The following FGF5 variants were observed in gnomAD, a reference collection of about 807,000 sequenced individuals.
The protein encoded by FGF5 is fibroblast growth factor 5.
A neutral mutation model predicts 21.8 loss-of-function variants in FGF5; 23 were observed. That is an observed-to-expected ratio of 1.05 (90% CI 0.76 to 1.49). FGF5 has a LOEUF of 1.49. FGF5 is among the 40% of genes most tolerant of loss of function. FGF5 has a pLI of 0.00. For synonymous variants in FGF5, 158 were observed against 124.0 expected (o/e 1.27, Z -1.82); for missense variants, 352 against 332.9 (o/e 1.06, Z -0.45).
rs557552379 is a variant in FGF5, at chr4:80,267,480, T to C, written c.355+301T>C. On this transcript the variant is annotated intron_variant, in intron 1 of 2. Transcript: ENST00000312465. ...AGCCTCAAAGACGAGTCCCCAGCCA[T>C]GACAGGAGAGAACAAAAAACTCATT... is the stretch of plus-strand genomic sequence containing the variant. Among the ~76,000 whole-genome samples, 148 of 152,296 alleles carry C rather than the reference T, an allele frequency of 9.7e-4. 1 individual carries two copies. The highest frequency in any genetic ancestry group is 1.7e-3 in the Non-Finnish European group (113 of 68,024).
intron 1 of FGF5, among the ~76,000 whole-genome samples, chr4:80,269,782 C>A (rs895887008): frequency 6.6e-6 from 1 of 151,414 alleles, no homozygotes; most frequent in Non-Finnish European, 1.5e-5. Context: ...GTTTGTCTTC[C>A]ATAGAGTTTT....
chr4:80,276,562 G>C (rs1720417048), intron 2 of FGF5, among the ~76,000 whole-genome samples: 1 of 151,610 alleles, frequency 6.6e-6, no homozygotes, highest in Admixed American at 6.6e-5. Context: ...AAGTTCTTTA[G>C]TGGTGATTTC....
At chr4:80,268,282 GCTCTTCCAGCGCGGGTTGGT>G (rs1720156789) in intron 1 of FGF5, 1 of 156,478 alleles carries the variant, frequency 6.4e-6, no homozygotes, top group Non-Finnish European at 1.4e-5. Context: ...GGGCCAGATC[GCTCTTCCAGCGCGGGTTGGT>G]CCACCAGGCA....
intron 1 of FGF5, chr4:80,268,315 G>C: frequency 4.5e-6 from 1 of 220,066 alleles, no homozygotes; most frequent in South Asian, 1.6e-4. Context: ...ACCAGGCAGA[G>C]CCCCAGCCAG....
At chr4:80,273,476 C>T (rs1017013041) in intron 1 of FGF5, among the ~76,000 whole-genome samples, 11 of 152,062 alleles carry the variant, frequency 7.2e-5, no homozygotes, top group Admixed American at 7.2e-4. Context: ...AAGTTACTCA[C>T]ATATATTTAT....
chr4:80,286,707 C>G lies in FGF5; in HGVS notation c.*35C>G. 6.4e-7 allele frequency: 1 copy of G among 1,552,730 alleles called. No individual in the cohort carries two copies. Among genetic ancestry groups the G allele is most frequent in the South Asian group, 1.1e-5 (1 of 88,270 alleles). ...TGGCCTTGTGAGAAACCATTCTTTC[C>G]CCTCAGGAGTTTCTATAGGTGTCTT... is the stretch of plus-strand genomic sequence containing the variant. On this transcript the variant is annotated 3_prime_UTR_variant, in exon 3 of 3. Transcript: ENST00000312465.
At chr4:80,270,773 G>A (rs183721627) in intron 1 of FGF5, among the ~76,000 whole-genome samples, 3 of 152,258 alleles carry the variant, frequency 2.0e-5, no homozygotes, top group African/African-American at 4.8e-5. Context: ...TTGTCAAAGC[G>A]TTTACATAAA....
At position 80,286,737 on chromosome 4, in the gene FGF5, G is replaced by A. The variant is rs760770821; in HGVS notation, c.*65G>A. 1 of 1,272,906 alleles carries A rather than the reference G, an allele frequency of 7.9e-7. No homozygotes were observed. Among genetic ancestry groups the A allele is most frequent in the Non-Finnish European group, 1.1e-6 (1 of 905,536 alleles). The allele number at this position is 1,272,906 out of a possible 1,614,324, so 78.9% of individuals were successfully genotyped here. A position where few individuals can be genotyped will look rare whatever the true frequency, so the allele number is the denominator to read the frequency against. On this transcript the variant is annotated 3_prime_UTR_variant, in exon 3 of 3. Coordinates refer to ENST00000312465, the MANE Select transcript of FGF5 (RefSeq NM_004464.4). ...AGGAGTTTCTATAGGTGTCTTCAGA[G>A]TTCTGAAGAAAAATTACTGGACACA...
chr4:80,286,709 C>G lies in FGF5; in HGVS notation c.*37C>G. 6.5e-7 allele frequency: 1 copy of G among 1,547,244 alleles called. No homozygotes were observed. Among genetic ancestry groups the G allele is most frequent in the Non-Finnish European group, 8.9e-7 (1 of 1,127,046 alleles). ...GCCTTGTGAGAAACCATTCTTTCCC[C>G]TCAGGAGTTTCTATAGGTGTCTTCA... is the stretch of plus-strand genomic sequence containing the variant. On this transcript the variant is annotated 3_prime_UTR_variant, in exon 3 of 3. Transcript: ENST00000312465.
chr4:80,289,464 T>C lies in FGF5; in HGVS notation c.*2792T>C, dbSNP rs1441894600. 1 of 152,112 alleles carries C rather than the reference T, an allele frequency of 6.6e-6. No individual in the cohort carries two copies. The highest frequency in any genetic ancestry group is 2.1e-4 in the South Asian group (1 of 4,830). The allele number at this position is 152,112 out of a possible 1,614,324, so 9.4% of individuals were successfully genotyped here. A position where few individuals can be genotyped will look rare whatever the true frequency, so the allele number is the denominator to read the frequency against. ...TTTAAGTAACTAGAACCACCAAATA[T>C]CAAATAAAATTATTTGGTTATGGTT... is the stretch of plus-strand genomic sequence containing the variant. On this transcript the variant is annotated 3_prime_UTR_variant, in exon 3 of 3. Transcript: ENST00000312465.
chr4:80,278,272 G>C (rs894469047), intron 2 of FGF5, among the ~76,000 whole-genome samples: 1 of 152,010 alleles, frequency 6.6e-6, no homozygotes, highest in South Asian at 2.1e-4. Context: ...TATTTAATAG[G>C]CAAATAAACA....
intron 2 of FGF5, among the ~76,000 whole-genome samples, chr4:80,286,116 AC>A (rs1416034510): frequency 1.3e-5 from 2 of 152,240 alleles, no homozygotes; most frequent in African/African-American, 2.4e-5. Flanking sequence ...GAAATGTGTT[AC>A]AAAGATAAAT....
At chr4:80,281,398 C>A (rs973041694) in intron 2 of FGF5, among the ~76,000 whole-genome samples, 6 of 152,050 alleles carry the variant, frequency 3.9e-5, no homozygotes, top group African/African-American at 1.2e-4. Flanking sequence ...TCTATGATAA[C>A]CTTTTTGTTA....
Position 80,274,966 on chromosome 4 carries a change from G to A in FGF5, c.413G>A (p.Ser138Asn), listed in dbSNP as rs1329319968. 6.3e-7 allele frequency: 1 copy of A among 1,599,536 alleles called. No homozygotes were observed. The highest frequency in any genetic ancestry group is 1.1e-5 in the South Asian group (1 of 89,288). ...QGIVGIRGVFSNKFLAMSKKG... is the reference protein window; with the variant it reads ...QGIVGIRGVFNNKFLAMSKKG... ...ATTGTAGGAATACGAGGAGTTTTCA[G>A]CAACAAATTTTTAGCGATGTCAAAA... Residue 138 changes from serine to asparagine, a missense_variant, in exon 2 of 3, where the codon AGC becomes AAC. Coordinates refer to ENST00000312465, the MANE Select transcript of FGF5 (RefSeq NM_004464.4).
At chr4:80,271,948 G>C (rs984254320) in intron 1 of FGF5, among the ~76,000 whole-genome samples, 1 of 152,138 alleles carries the variant, frequency 6.6e-6, no homozygotes, top group Non-Finnish European at 1.5e-5. Context: ...AAAATCAATA[G>C]GCCTGTGATG....
intron 1 of FGF5, among the ~76,000 whole-genome samples, chr4:80,269,874 C>G (rs1464742839): frequency 6.6e-6 from 1 of 151,368 alleles, no homozygotes. Flanking sequence ...GTGTCTAATA[C>G]TACTTCATAA....
intron 1 of FGF5, among the ~76,000 whole-genome samples, chr4:80,271,077 A>C (rs1720258002): frequency 6.6e-6 from 1 of 152,212 alleles, no homozygotes; most frequent in Admixed American, 6.5e-5. Flanking sequence ...CAGTTTTAAA[A>C]TATTTTTGTC....
intron 2 of FGF5, among the ~76,000 whole-genome samples, chr4:80,284,067 C>A (rs1392713566): frequency 1.3e-5 from 2 of 152,178 alleles, no homozygotes. Flanking sequence ...GCAGTCCGGG[C>A]CTAAATGCAG....
chr4:80,280,299 A>T (rs1288116520), intron 2 of FGF5, among the ~76,000 whole-genome samples: 1 of 152,184 alleles, frequency 6.6e-6, no homozygotes, highest in Admixed American at 6.5e-5. Flanking sequence ...TGCACTGTGG[A>T]GGTCTAGTTA....
Sources: allele counts gnomAD v4.1 joint callset (sites outside exome capture counted in the v4.1 genomes callset), GRCh38; gene constraint gnomAD v4.1.1; transcripts MANE v1.5; gene names NCBI Gene and HGNC (gene_info 2026-07-23, HGNC 2026-07-21).